Variants in POTED observed in about 807,000 individuals in gnomAD.
POTED encodes ANKRD26-like family B member 3.
Under a neutral mutation model 19.0 loss-of-function variants are expected in POTED, and 7 were observed. The ratio of observed to expected loss-of-function variants is 0.37; its 90% confidence interval spans 0.21 to 0.69. POTED has a LOEUF of 0.69. Ranked by LOEUF, POTED falls within the 30% of genes least tolerant of loss-of-function variation. The pLI, the probability that POTED is intolerant of heterozygous loss-of-function variation, is 0.56. For synonymous variants in POTED, 16 were observed against 92.0 expected (o/e 0.17, Z 4.73); for missense variants, 54 against 278.5 (o/e 0.19, Z 5.74).
chr21:13,639,345 G>A (rs1424446772), intron 9 of POTED, among the ~76,000 whole-genome samples, 170 bp from the exon 10 acceptor site: 1 of 70,328 alleles, frequency 1.4e-5, no homozygotes, highest in African/African-American at 1.2e-4. Flanking sequence ...CTAGTCCCTG[G>A]TGCCAACATG....
rs2011155990 is a variant in POTED at position 13,616,199 on chromosome 21, C to A, written c.810+629C>A. On this transcript the variant is annotated intron_variant, in intron 3 of 10. Transcript: ENST00000299443. Reference sequence around the variant, plus strand: ...TTACTGTTGTTCATTCATTTGTTTCCTTTATATGGTGAGACAGGGTTCTTT... The same window carrying A: ...TTACTGTTGTTCATTCATTTGTTTCATTTATATGGTGAGACAGGGTTCTTT... 3.8e-5 allele frequency among the ~76,000 whole-genome samples: 3 copies of A among 78,888 alleles called. 1 individual carries two copies. The allele number at this position is 78,888 out of a possible 152,430, so 51.8% of individuals were successfully genotyped here. A position where few individuals can be genotyped will look rare whatever the true frequency, so the allele number is the denominator to read the frequency against.
At chr21:13,637,004 A>ATT (rs1208399825) in intron 9 of POTED, among the ~76,000 whole-genome samples, 18 of 16,408 alleles carry the variant, frequency 1.1e-3, no homozygotes, top group Non-Finnish European at 1.6e-3. Flanking sequence ...ATATATATAT[A>ATT]TTTTTTTTTT....
In POTED at chr21:13,637,566, T is replaced by C. The variant is rs1395877981; in HGVS notation, c.1410-1949T>C. On this transcript the variant is annotated intron_variant, in intron 9 of 10. Coordinates refer to ENST00000299443, the MANE Select transcript of POTED (RefSeq NM_174981.6). ...CATAATTTGCCCATATTTTCCCCAT[T>C]GTATAGGTTGTTGGCTCACTTTGAT... is the stretch of plus-strand genomic sequence containing the variant. Among the ~76,000 whole-genome samples the C allele has an allele frequency of 3.1e-5, 2 of 65,498 alleles. 1 individual carries two copies. Among genetic ancestry groups the C allele is most frequent in the Non-Finnish European group, 5.2e-5 (2 of 38,710 alleles). The allele number at this position is 65,498 out of a possible 152,430, so 43.0% of individuals were successfully genotyped here.
chr21:13,616,189 CATTT>C (rs1024414457), intron 3 of POTED, among the ~76,000 whole-genome samples: 1,778 of 90,092 alleles, frequency 0.02, 502 homozygotes, highest in African/African-American at 0.09. Flanking sequence ...GTTGTTCATT[CATTT>C]GTTTCCTTTA....
chr21:13,610,021 C>G lies in POTED; in HGVS notation c.-208C>G. 1 of 250,026 alleles carries G rather than the reference C, an allele frequency of 4.0e-6. No individual in the cohort carries two copies. Among genetic ancestry groups the G allele is most frequent in the Non-Finnish European group, 6.3e-6 (1 of 158,178 alleles). 15.5% of individuals were successfully genotyped at this position (250,026 alleles called of 1,614,324 possible). ...TTCCTGGGGTGGGCCTGGGGTCCCC[C>G]TGGTGGGCGTGGGCTTTCCCCGGGT... On this transcript the variant is annotated 5_prime_UTR_variant, in exon 1 of 11. Coordinates refer to ENST00000299443, the MANE Select transcript of POTED (RefSeq NM_174981.6).
At position 13,639,384 on chromosome 21, in the gene POTED, A is replaced by G. The variant is rs12481774; in HGVS notation, c.1410-131A>G. 7.8e-6 allele frequency: 5 copies of G among 637,484 alleles called. 1 individual carries two copies. Among genetic ancestry groups the G allele is most frequent in the Non-Finnish European group, 1.0e-5 (5 of 488,516 alleles). The allele number at this position is 637,484 out of a possible 1,614,324, so 39.5% of individuals were successfully genotyped here. ...GTGAGAGCAGGTTTAACAGATGTGA[A>G]ACCCCTTTGTCTTGTCTTGGATTAA... On this transcript the variant is annotated intron_variant, in intron 9 of 10. Transcript: ENST00000299443.
At chr21:13,613,987 G>T (rs2011150199) in intron 1 of POTED, among the ~76,000 whole-genome samples, 1 of 105,212 alleles carries the variant, frequency 9.5e-6, no homozygotes, top group Non-Finnish European at 1.9e-5. Context: ...TAACACCTGG[G>T]TAATGAAATA....
rs2011293749 is a variant in POTED at position 13,644,225 on chromosome 21, G to T, written c.*2659G>T. Among the ~76,000 whole-genome samples the T allele has an allele frequency of 2.6e-5, 2 of 77,620 alleles. 1 individual carries two copies. Among genetic ancestry groups the T allele is most frequent in the African/African-American group, 2.0e-4 (2 of 9,766 alleles). The allele number at this position is 77,620 out of a possible 152,430, so 50.9% of individuals were successfully genotyped here. A position where few individuals can be genotyped will look rare whatever the true frequency, so the allele number is the denominator to read the frequency against. On this transcript the variant is annotated 3_prime_UTR_variant, in exon 11 of 11. Transcript: ENST00000299443. ...CAGCTGCCGCACTTTGGTCCCCTCA[G>T]TGCAGTGGACTCCAAACCTCGAGGA...
chr21:13,631,141 T>C, intron 9 of POTED, 34 bp downstream of exon 9: 1 of 417,074 alleles, frequency 2.4e-6, no homozygotes, highest in Non-Finnish European at 4.0e-6. Flanking sequence ...AGGAGATAAC[T>C]ATATGCTGTC....
At position 13,640,765 on chromosome 21, in the gene POTED, G is replaced by A. The variant is rs867530238; in HGVS notation, c.1534-580G>A. The stretch of plus-strand genomic sequence containing the variant: ...TAAGAATCGTGATCCTAAATGAGTT[G>A]AGTGTTGTATGTAGAAGTGCAATGC... On this transcript the variant is annotated intron_variant, in intron 10 of 10. Coordinates refer to ENST00000299443, the MANE Select transcript of POTED (RefSeq NM_174981.6). 1.6e-3 allele frequency among the ~76,000 whole-genome samples: 48 copies of A among 30,226 alleles called. 15 individuals carry two copies. The highest frequency in any genetic ancestry group is 0.014 in the African/African-American group (40 of 2,776). The allele number at this position is 30,226 out of a possible 152,430, so 19.8% of individuals were successfully genotyped here.
Position 13,643,230 on chromosome 21 carries a change from A to G in POTED, c.*1664A>G, listed in dbSNP as rs201172569. Reference sequence around the variant, plus strand: ...TTACATTAAGTAACTGCTAACTTACACCTCTCTGGGGTGGAGCCCCCAGGA... The same window carrying G: ...TTACATTAAGTAACTGCTAACTTACGCCTCTCTGGGGTGGAGCCCCCAGGA... On this transcript the variant is annotated 3_prime_UTR_variant, in exon 11 of 11. Coordinates refer to ENST00000299443, the MANE Select transcript of POTED (RefSeq NM_174981.6). Among the ~76,000 whole-genome samples the G allele has an allele frequency of 4.8e-5, 1 of 21,020 alleles. No homozygotes were observed. 13.8% of individuals were successfully genotyped at this position (21,020 alleles called of 152,430 possible). A position where few individuals can be genotyped will look rare whatever the true frequency, so the allele number is the denominator to read the frequency against.
chr21:13,634,214 AG>A lies in POTED; in HGVS notation c.1409+3108del, dbSNP rs1249209768. On this transcript the variant is annotated intron_variant, in intron 9 of 10. Transcript: ENST00000299443. ...TCTGACACCTCACATCTAATCTCTC[AG>A]TAAATCTTGTCAGGTCTACCTGAAG... is the stretch of plus-strand genomic sequence containing the variant. Among the ~76,000 whole-genome samples, 2 of 80,450 alleles carry A rather than the reference AG, an allele frequency of 2.5e-5. 1 individual carries two copies. The highest frequency in any genetic ancestry group is 4.4e-5 in the Non-Finnish European group (2 of 45,552). The allele number at this position is 80,450 out of a possible 152,430, so 52.8% of individuals were successfully genotyped here. A position where few individuals can be genotyped will look rare whatever the true frequency, so the allele number is the denominator to read the frequency against.
chr21:13,645,773 CAG>C lies in POTED; in HGVS notation c.*4208_*4209del, dbSNP rs1450702817. Among the ~76,000 whole-genome samples the C allele has an allele frequency of 3.8e-5, 3 of 78,112 alleles. No individual in the cohort carries two copies. The highest frequency in any genetic ancestry group is 3.8e-4 in the South Asian group (1 of 2,666). 51.2% of individuals were successfully genotyped at this position (78,112 alleles called of 152,430 possible). A position where few individuals can be genotyped will look rare whatever the true frequency, so the allele number is the denominator to read the frequency against. On this transcript the variant is annotated 3_prime_UTR_variant, in exon 11 of 11. Transcript: ENST00000299443. ...GGCTAAATGCTCCAATTGAAAGACA[CAG>C]GGGGCAAGCTGGATAAAGAACCAAG...
chr21:13,627,299 T>G (rs2011189793), intron 6 of POTED, among the ~76,000 whole-genome samples: 1 of 20,594 alleles, frequency 4.9e-5, no homozygotes, highest in Non-Finnish European at 7.3e-5. Context: ...AAAAATTAGC[T>G]GGGCATGATG....
intron 6 of POTED, among the ~76,000 whole-genome samples, chr21:13,627,176 G>C (rs1488107220): frequency 8.9e-5 from 1 of 11,186 alleles, no homozygotes; most frequent in Non-Finnish European, 1.4e-4. Context: ...GCTGGGTGTG[G>C]TGGCTCACAC....
At chr21:13,624,344 AG>A in intron 6 of POTED, 1 of 107,264 alleles carries the variant, frequency 9.3e-6, no homozygotes, top group Non-Finnish European at 1.5e-5. Context: ...GTTTGGCAGA[AG>A]GAACACGCAA....
At position 13,612,155 on chromosome 21, in the gene POTED, G is replaced by C. The variant is rs542717163; in HGVS notation, c.521+1406G>C. ...AATTTAAGTTAGAAGAGGAATGAAA[G>C]ACTATTTTCTGTTTAAGTTAGAAGA... On this transcript the variant is annotated intron_variant, in intron 1 of 10. Transcript: ENST00000299443. 1.4e-3 allele frequency among the ~76,000 whole-genome samples: 114 copies of C among 80,006 alleles called. 43 individuals carry two copies. Among genetic ancestry groups the C allele is most frequent in the African/African-American group, 2.3e-3 (24 of 10,332 alleles). 52.5% of individuals were successfully genotyped at this position (80,006 alleles called of 152,430 possible).
rs188722152 is a variant in POTED at position 13,627,474 on chromosome 21, A to G, written c.1127-908A>G. On this transcript the variant is annotated intron_variant, in intron 6 of 10. Coordinates refer to ENST00000299443, the MANE Select transcript of POTED (RefSeq NM_174981.6). The stretch of plus-strand genomic sequence containing the variant: ...AAAACAAAAAAAAAAAAGAAAAATG[A>G]ATATAAATTTGTCATAATAGTGGAT... Among the ~76,000 whole-genome samples, 227 of 99,704 alleles carry G rather than the reference A, an allele frequency of 2.3e-3. 7 individuals are homozygous for G. Among genetic ancestry groups the G allele is most frequent in the African/African-American group, 0.011 (207 of 18,682 alleles). 65.4% of individuals were successfully genotyped at this position (99,704 alleles called of 152,430 possible).
At position 13,640,552 on chromosome 21, in the gene POTED, T is replaced by TGTG; in HGVS notation, c.1534-793_1534-792insGTG. ...TGTGTGTGTGTGTGTGTGTGTGTGT[T>TGTG]TGTGTGTGTGTATTCTAGATGGAGT... is the stretch of plus-strand genomic sequence containing the variant. On this transcript the variant is annotated intron_variant, in intron 10 of 10. Coordinates refer to ENST00000299443, the MANE Select transcript of POTED (RefSeq NM_174981.6). Among the ~76,000 whole-genome samples the TGTG allele has an allele frequency of 5.1e-4, 34 of 66,482 alleles. 12 individuals are homozygous for TGTG. The highest frequency in any genetic ancestry group is 3.9e-3 in the African/African-American group (34 of 8,830). 43.6% of individuals were successfully genotyped at this position (66,482 alleles called of 152,430 possible).
Sources: allele counts gnomAD v4.1 joint callset (sites outside exome capture counted in the v4.1 genomes callset), GRCh38; gene constraint gnomAD v4.1.1; transcripts MANE v1.5; gene names NCBI Gene and HGNC (gene_info 2026-07-23, HGNC 2026-07-21).